The following KLRK1 variants were observed in gnomAD, a reference collection of about 807,000 sequenced individuals.
KLRK1 encodes NKG2-D type II integral membrane protein.
Under a neutral mutation model 31.3 loss-of-function variants are expected in KLRK1, and 40 were observed. The observed-to-expected ratio is 1.28, with a 90% CI of 0.99 to 1.67. The LOEUF is 1.67. KLRK1 is among the 40% of genes most tolerant of loss of function. The pLI, the probability that KLRK1 is intolerant of heterozygous loss-of-function variation, is 0.00. For missense variants in KLRK1, 251 were observed against 260.0 expected (o/e 0.97, Z 0.24); for synonymous variants, 77 against 77.3 (o/e 1.00, Z 0.02).
intron 2 of KLRK1, 72 bp from the exon 3 acceptor site, chr12:10,387,082 C>T: frequency 3.3e-6 from 4 of 1,219,478 alleles, no homozygotes; most frequent in Non-Finnish European, 4.6e-6. Context: ...TTTAAAAATT[C>T]AGCTTGCCAT....
intron 2 of KLRK1, among the ~76,000 whole-genome samples, 156 bp from the exon 3 acceptor site, chr12:10,387,166 A>T (rs967460848): frequency 6.6e-6 from 1 of 152,210 alleles, no homozygotes; most frequent in Admixed American, 6.5e-5. Context: ...ATAGTACTAC[A>T]TTATTATGTT....
chr12:10,378,926 G>C (rs776771650), intron 5 of KLRK1: 1 of 405,948 alleles, frequency 2.5e-6, no homozygotes, highest in Non-Finnish European at 4.2e-6. Context: ...GGCCAAGGCA[G>C]GTGACTCACT....
intron 5 of KLRK1, chr12:10,379,155 C>T (rs139673965): frequency 4.4e-5 from 7 of 157,906 alleles, no homozygotes; most frequent in East Asian, 3.5e-4. Context: ...GCGAAGGTTG[C>T]ATTGTGCTGA....
chr12:10,388,681 C>G (rs535161892), intron 2 of KLRK1, 90 bp downstream of exon 2: 2 of 1,446,762 alleles, frequency 1.4e-6, no homozygotes, highest in Non-Finnish European at 1.9e-6. Flanking sequence ...GAGTAAATTG[C>G]TTGCCTATGC....
intron 3 of KLRK1, among the ~76,000 whole-genome samples, chr12:10,384,667 C>T (rs1050760158): frequency 6.6e-6 from 1 of 151,864 alleles, no homozygotes; most frequent in Non-Finnish European, 1.5e-5. Context: ...AAGAGAAACA[C>T]CACAGGACAT....
chr12:10,378,497 A>T, intron 6 of KLRK1, 57 bp downstream of exon 6: 1 of 1,594,420 alleles, frequency 6.3e-7, no homozygotes, highest in Non-Finnish European at 8.5e-7. Context: ...TATTCCAGTG[A>T]GTTGTCTCAG....
At chr12:10,379,415 T>A (rs748738337) in intron 5 of KLRK1, 32 bp downstream of exon 5, 1 of 1,316,218 alleles carries the variant, frequency 7.6e-7, no homozygotes, top group South Asian at 1.4e-5. Context: ...ACATATAATA[T>A]ATGATCTAAA....
intron 3 of KLRK1, among the ~76,000 whole-genome samples, chr12:10,384,729 A>T (rs571950886): frequency 3.9e-5 from 6 of 152,244 alleles, no homozygotes; most frequent in African/African-American, 9.6e-5. Context: ...AGGCAACAAA[A>T]GCAAAAAGAA....
intron 3 of KLRK1, among the ~76,000 whole-genome samples, chr12:10,383,382 A>G (rs1156644753): frequency 6.6e-6 from 1 of 152,146 alleles, no homozygotes; most frequent in Non-Finnish European, 1.5e-5. Flanking sequence ...CTTTAAGTCA[A>G]AAAGAGTAAA....
Position 10,373,166 on chromosome 12 carries a change from A to G in KLRK1, c.599T>C (p.Ile200Thr), listed in dbSNP as rs1486458343. 4 of 1,612,542 alleles carry G rather than the reference A, an allele frequency of 2.5e-6. No individual in the cohort carries two copies. Among genetic ancestry groups the G allele is most frequent in the Admixed American group, 3.4e-5 (2 of 59,620 alleles). ...ALYASSFKGYIENCSTPNTYI... is the reference protein window; with the variant it reads ...ALYASSFKGYTENCSTPNTYI... ...CGTATTTGGAGTTGAACAGTTTTCT[A>G]TATAGCCTTTAAAGCTCGAGGCATA... The change falls in exon 8 of 8, where the codon ATA becomes ACA. Residue 200 changes from isoleucine to threonine, a missense_variant. Physicochemically the swap from Ile to Thr is moderately conservative, Grantham distance 89. Transcript: ENST00000240618.
Position 10,386,087 on chromosome 12 carries a change from C to T in KLRK1, c.148+816G>A, listed in dbSNP as rs573931421. On this transcript the variant is annotated intron_variant, in intron 3 of 7. Coordinates refer to ENST00000240618, the MANE Select transcript of KLRK1 (RefSeq NM_007360.4). Reference sequence around the variant, plus strand: ...TAGCTGCATTGTATTTCACTGACAACTCTGGACAGATCTAATTTTTGACGG... The same window carrying T: ...TAGCTGCATTGTATTTCACTGACAATTCTGGACAGATCTAATTTTTGACGG... Among the ~76,000 whole-genome samples the T allele has an allele frequency of 5.9e-5, 9 of 151,376 alleles. No homozygotes were observed. The East Asian group carries it at 1.2e-3, about 20-fold the overall frequency.
rs1426948181 is a variant in KLRK1, at chr12:10,377,373, A to G, written c.533+759T>C. 3.9e-5 allele frequency among the ~76,000 whole-genome samples: 6 copies of G among 152,366 alleles called. No homozygotes were observed. The East Asian group carries it at 7.7e-4, about 20-fold the overall frequency. ...ATACAAATACTTGTACACAAATATT[A>G]TTAGCAAGTAGCATTATTTGTAATG... On this transcript the variant is annotated intron_variant, in intron 7 of 7. Coordinates refer to ENST00000240618, the MANE Select transcript of KLRK1 (RefSeq NM_007360.4).
chr12:10,386,537 T>C (rs953400932), intron 3 of KLRK1, among the ~76,000 whole-genome samples: 2 of 152,052 alleles, frequency 1.3e-5, no homozygotes, highest in African/African-American at 2.4e-5. Context: ...ATTCTATAAA[T>C]AATAATCAAG....
intron 2 of KLRK1, 31 bp from the exon 3 acceptor site, chr12:10,387,041 T>C (rs1192414630): frequency 5.8e-6 from 9 of 1,551,468 alleles, no homozygotes; most frequent in Non-Finnish European, 7.9e-6. Context: ...CTTATATGAG[T>C]CATGGCCTTT....
Position 10,386,966 on chromosome 12 carries a change from C to T in KLRK1, c.85G>A (p.Asp29Asn). 1 of 1,611,514 alleles carries T rather than the reference C, an allele frequency of 6.2e-7. No individual in the cohort carries two copies. Among genetic ancestry groups the T allele is most frequent in the Non-Finnish European group, 8.5e-7 (1 of 1,178,800 alleles). The change falls in exon 3 of 8, where the codon GAT becomes AAT. Residue 29 changes from aspartate (D) to asparagine (N), a missense_variant. By Grantham distance (23) the Asp-to-Asn change is conservative. Transcript: ENST00000240618. Reference sequence around the variant, plus strand: ...TGCTTTTGCCATCGTGTTGAAAAATCACTCTTCTTCAGATCCAAGTTATAA... The same window carrying T: ...TGCTTTTGCCATCGTGTTGAAAAATTACTCTTCTTCAGATCCAAGTTATAA... ...HNYNLDLKKSDFSTRWQKQRC... is the reference protein window; with the variant it reads ...HNYNLDLKKSNFSTRWQKQRC...
At chr12:10,388,965 T>C in intron 1 of KLRK1, 90 bp from the exon 2 acceptor site, 1 of 810,326 alleles carries the variant, frequency 1.2e-6, no homozygotes, top group South Asian at 2.2e-5. Context: ...ATGCAGAAAC[T>C]TTTCCCCTGT....
At chr12:10,379,409 AT>A in intron 5 of KLRK1, 37 bp downstream of exon 5, 1 of 1,275,716 alleles carries the variant, frequency 7.8e-7, no homozygotes, top group Non-Finnish European at 1.1e-6. Context: ...GTAGATACAT[AT>A]AATATATGAT....
intron 3 of KLRK1, among the ~76,000 whole-genome samples, chr12:10,380,529 C>T (rs1486362043): frequency 1.3e-5 from 2 of 152,062 alleles, no homozygotes; most frequent in Non-Finnish European, 2.9e-5. Flanking sequence ...GGCTGGAATT[C>T]AGCAAGAAAG....
chr12:10,382,827 A>G (rs775171627), intron 3 of KLRK1, among the ~76,000 whole-genome samples: 46 of 152,354 alleles, frequency 3.0e-4, no homozygotes, highest in South Asian at 8.3e-4. Context: ...CCATACAAAC[A>G]TAAGTCAACA....
Sources: gnomAD v4.1 joint callset for allele counts (sites outside exome capture counted in the v4.1 genomes callset) on GRCh38, gnomAD v4.1.1 for gene constraint, MANE v1.5 for transcripts, NCBI Gene and HGNC (gene_info 2026-07-23, HGNC 2026-07-21) for gene names.